TUBB6: variants seen among roughly 807,000 people sequenced by gnomAD.
TUBB6 encodes tubulin beta 6 class V.
A neutral mutation model predicts 32.3 loss-of-function variants in TUBB6; 18 were observed. The ratio of observed to expected loss-of-function variants is 0.56; its 90% confidence interval spans 0.39 to 0.83. TUBB6 has a LOEUF of 0.83. TUBB6 is among the 40% of genes least tolerant of loss of function. The probability of loss-of-function intolerance (pLI) is 0.00; values close to 1 mark genes in which losing one functional copy is unlikely to be tolerated. For synonymous variants in TUBB6, 280 were observed against 265.8 expected (o/e 1.05, Z -0.52); for missense variants, 480 against 632.0 (o/e 0.76, Z 2.58).
At chr18:12,319,947 A>C (rs981080729) in intron 3 of TUBB6, among the ~76,000 whole-genome samples, 1 of 151,706 alleles carries the variant, frequency 6.6e-6, no homozygotes, top group Non-Finnish European at 1.5e-5. Context: ...CCACCATGCC[A>C]TGCTAATTTT....
chr18:12,317,517 G>A (rs1240878314), intron 3 of TUBB6, among the ~76,000 whole-genome samples: 1 of 152,230 alleles, frequency 6.6e-6, no homozygotes, highest in Admixed American at 6.5e-5. Context: ...TTGCATAGCA[G>A]TCATACCTAC....
rs946168929 is a variant in TUBB6, at chr18:12,310,351, C to T, written c.167-592C>T. ...GAAAATACAAAAAAAATTAGCCGGGCGTGGTGGTGGGCACCTGTGGTCCCA... is the reference window on the plus strand; with the variant it reads ...GAAAATACAAAAAAAATTAGCCGGGTGTGGTGGTGGGCACCTGTGGTCCCA... On this transcript the variant is annotated intron_variant, in intron 2 of 3. Coordinates refer to ENST00000317702, the MANE Select transcript of TUBB6 (RefSeq NM_032525.3). 3.5e-4 allele frequency among the ~76,000 whole-genome samples: 53 copies of T among 151,988 alleles called. No homozygotes were observed. In the East Asian group the frequency reaches 9.7e-3, roughly 28 times the overall value.
intron 3 of TUBB6, among the ~76,000 whole-genome samples, chr18:12,321,651 C>T (rs1906995238): frequency 6.6e-6 from 1 of 152,146 alleles, no homozygotes; most frequent in African/African-American, 2.4e-5. Context: ...TGAATTGTTG[C>T]CACCAGCCGT....
intron 3 of TUBB6, among the ~76,000 whole-genome samples, chr18:12,319,285 A>T (rs1273501229): frequency 6.6e-6 from 1 of 151,900 alleles, no homozygotes; most frequent in African/African-American, 2.4e-5. Flanking sequence ...CTGGGATTAC[A>T]GGCACCTGCC....
At chr18:12,314,589 T>A (rs563389712) in intron 3 of TUBB6, among the ~76,000 whole-genome samples, 34 of 152,108 alleles carry the variant, frequency 2.2e-4, no homozygotes, top group African/African-American at 7.2e-5. Context: ...CTCGCAGGAG[T>A]CCTTCCTGAG....
intron 3 of TUBB6, among the ~76,000 whole-genome samples, chr18:12,314,133 G>A (rs570026549): frequency 2.0e-5 from 3 of 152,212 alleles, no homozygotes; most frequent in East Asian, 1.9e-4. Flanking sequence ...AAAGAGCACC[G>A]CACCGGGAGA....
Position 12,323,930 on chromosome 18 carries a change from C to T in TUBB6, c.278-1137C>T, listed in dbSNP as rs552488075. Among the ~76,000 whole-genome samples, 99 of 152,184 alleles carry T rather than the reference C, an allele frequency of 6.5e-4. No homozygotes were observed. The South Asian group carries it at 8.7e-3, about 13-fold the overall frequency. On this transcript the variant is annotated intron_variant, in intron 3 of 3. Transcript: ENST00000317702. ...CTCCTTTTCTCAACTGGCCTGGAAA[C>T]AATTTGAGGGCAGGAATTACTTCCT...
downstream of TUBB6, among the ~76,000 whole-genome samples, chr18:12,327,618 G>A (rs1050214671): frequency 9.9e-5 from 15 of 152,178 alleles, no homozygotes; most frequent in African/African-American, 3.1e-4. Context: ...CTGTGTGACC[G>A]TGGAAAGATC....
chr18:12,323,824 C>T (rs563967893), intron 3 of TUBB6, among the ~76,000 whole-genome samples: 99 of 151,894 alleles, frequency 6.5e-4, no homozygotes, highest in Non-Finnish European at 1.2e-3. Flanking sequence ...AAAAAAGCAC[C>T]ATTATGCAGA....
At chr18:12,317,759 A>T (rs1211641335) in intron 3 of TUBB6, among the ~76,000 whole-genome samples, 1 of 152,212 alleles carries the variant, frequency 6.6e-6, no homozygotes, top group Non-Finnish European at 1.5e-5. Flanking sequence ...AAAAGCTTAG[A>T]GTTGGCAGCC....
At chr18:12,308,403 G>T in intron 1 of TUBB6, 54 bp downstream of exon 1, 1 of 1,276,456 alleles carries the variant, frequency 7.8e-7, no homozygotes, top group Admixed American at 4.0e-5. Flanking sequence ...GGCGGGCCCC[G>T]GGTCTCCCGG....
rs370294717 is a variant in TUBB6 at position 12,311,064 on chromosome 18, T to C, written c.277+11T>C. On this transcript the variant is annotated intron_variant, in intron 3 of 3. Transcript: ENST00000317702. ...ACAACTTCATCTTTGGTAGGTTCCATCTTTCTCACTTTCTTCTTCTTCTTT... is the reference window on the plus strand; with the variant it reads ...ACAACTTCATCTTTGGTAGGTTCCACCTTTCTCACTTTCTTCTTCTTCTTT... The C allele has an allele frequency of 6.3e-7, 1 of 1,595,220 alleles. No homozygotes were observed. The highest frequency in any genetic ancestry group is 8.6e-7 in the Non-Finnish European group (1 of 1,165,594).
At chr18:12,324,783 T>A (rs1320899173) in intron 3 of TUBB6, 1 of 1,293,642 alleles carries the variant, frequency 7.7e-7, no homozygotes. Context: ...TACCTTTTGT[T>A]CCCTTTGAAT....
chr18:12,313,483 C>CT (rs1166426106), intron 3 of TUBB6, among the ~76,000 whole-genome samples: 1 of 152,282 alleles, frequency 6.6e-6, no homozygotes, highest in Non-Finnish European at 1.5e-5. Context: ...GGACACTAGA[C>CT]TTTGAGTGCT....
intron 3 of TUBB6, among the ~76,000 whole-genome samples, chr18:12,314,426 A>T (rs990291479): frequency 4.6e-5 from 7 of 152,104 alleles, no homozygotes; most frequent in Non-Finnish European, 7.4e-5. Flanking sequence ...AGTCTACCGT[A>T]GTCTCAGTAA....
intron 3 of TUBB6, among the ~76,000 whole-genome samples, chr18:12,315,608 C>T (rs1463014607): frequency 1.3e-5 from 2 of 152,170 alleles, no homozygotes; most frequent in East Asian, 1.9e-4. Context: ...TCTACACTGA[C>T]GTAAATTGTC....
intron 3 of TUBB6, among the ~76,000 whole-genome samples, chr18:12,315,333 T>C (rs1454644498): frequency 6.6e-6 from 1 of 152,226 alleles, no homozygotes; most frequent in African/African-American, 2.4e-5. Flanking sequence ...TAAATTTGTC[T>C]GTTTCTCACT....
Position 12,326,193 on chromosome 18 carries a change from C to T in TUBB6, c.*63C>T, listed in dbSNP as rs188763816. ...GCAAGTTCCTTCTTGAACCCTGGTG[C>T]CTCCTACCCTATGGCCCTGAATGGT... is the stretch of plus-strand genomic sequence containing the variant. On this transcript the variant is annotated 3_prime_UTR_variant, in exon 4 of 4. Transcript: ENST00000317702. 2.3e-5 allele frequency: 35 copies of T among 1,551,408 alleles called. No homozygotes were observed. The Admixed American group carries it at 2.8e-4, about 13-fold the overall frequency.
chr18:12,319,290 C>A (rs940962528), intron 3 of TUBB6, among the ~76,000 whole-genome samples: 1 of 151,946 alleles, frequency 6.6e-6, no homozygotes, highest in African/African-American at 2.4e-5. Flanking sequence ...ATTACAGGCA[C>A]CTGCCACCAC....
Sources: allele counts gnomAD v4.1 joint callset (sites outside exome capture counted in the v4.1 genomes callset), GRCh38; gene constraint gnomAD v4.1.1; transcripts MANE v1.5; gene names NCBI Gene and HGNC (gene_info 2026-07-23, HGNC 2026-07-21).